Variants in RASGRF1 observed in about 807,000 individuals in gnomAD.
The protein encoded by RASGRF1 is ras-specific guanine nucleotide-releasing factor 1.
RASGRF1 carries 40 observed loss-of-function variants against 138.7 expected under a neutral mutation model. The observed-to-expected ratio is 0.29, with a 90% CI of 0.22 to 0.38. RASGRF1 has a LOEUF of 0.38. Ranked by LOEUF, RASGRF1 falls within the 10% of genes least tolerant of loss-of-function variation. The probability of loss-of-function intolerance (pLI) is 1.00; values close to 1 mark genes in which losing one functional copy is unlikely to be tolerated. For synonymous variants in RASGRF1, 614 were observed against 663.2 expected, an observed-to-expected ratio of 0.93 and a Z score of 1.14; for missense variants, 1,108 against 1,650.4, an observed-to-expected ratio of 0.67 and a Z score of 5.69.
At chr15:79,085,660 G>A (rs1040238120) in intron 1 of RASGRF1, among the ~76,000 whole-genome samples, 5 of 152,164 alleles carry the variant, frequency 3.3e-5, no homozygotes, top group Admixed American at 3.3e-4. Flanking sequence ...ATGAGCTCCT[G>A]AACAAGGCAA....
intron 9 of RASGRF1, among the ~76,000 whole-genome samples, chr15:79,025,850 T>C (rs2057039699): frequency 1.3e-5 from 2 of 151,174 alleles, no homozygotes; most frequent in African/African-American, 2.4e-5. Flanking sequence ...ACAAGATACA[T>C]TGCACTCCTG....
intron 1 of RASGRF1, among the ~76,000 whole-genome samples, chr15:79,081,557 G>A (rs2141102234): frequency 6.6e-6 from 1 of 152,280 alleles, no homozygotes; most frequent in East Asian, 1.9e-4. Context: ...GGCAGCTTTG[G>A]TGTCCCCTGC....
intron 20 of RASGRF1, among the ~76,000 whole-genome samples, chr15:78,992,072 G>A (rs142933776): frequency 6.2e-4 from 94 of 152,338 alleles, no homozygotes; most frequent in African/African-American, 2.0e-3. Context: ...CTCCCAGCAC[G>A]TGCATGAGAC....
intron 10 of RASGRF1, among the ~76,000 whole-genome samples, chr15:79,022,457 C>A (rs2056974315): frequency 2.2e-5 from 3 of 135,050 alleles, no homozygotes; most frequent in Admixed American, 7.4e-5. Context: ...AAACAAACAA[C>A]CCCCCCCCAA....
intron 13 of RASGRF1, chr15:79,012,624 T>A: frequency 6.6e-7 from 1 of 1,526,126 alleles, no homozygotes; most frequent in Non-Finnish European, 8.9e-7. Flanking sequence ...CCATCATTAT[T>A]CAAAATTTTG....
intron 1 of RASGRF1, among the ~76,000 whole-genome samples, chr15:79,078,621 C>T (rs936081343): frequency 1.3e-5 from 2 of 152,196 alleles, no homozygotes; most frequent in Admixed American, 6.5e-5. Context: ...ACTACTCATA[C>T]CCCCTACCTC....
intron 1 of RASGRF1, among the ~76,000 whole-genome samples, chr15:79,069,779 G>A (rs2057730447): frequency 6.6e-6 from 1 of 152,156 alleles, no homozygotes; most frequent in Non-Finnish European, 1.5e-5. Context: ...GGCTGAAAAG[G>A]CCTTGATCTT....
chr15:79,068,678 AGTGTGGATGT>A (rs1187575822), intron 1 of RASGRF1, among the ~76,000 whole-genome samples: 1 of 151,614 alleles, frequency 6.6e-6, no homozygotes, highest in African/African-American at 2.4e-5. Flanking sequence ...TGTGAATGAG[AGTGTGGATGT>A]GTGTGGATGT....
chr15:79,088,313 T>A (rs762833872), intron 1 of RASGRF1, among the ~76,000 whole-genome samples: 11 of 152,238 alleles, frequency 7.2e-5, no homozygotes, highest in Non-Finnish European at 1.2e-4. Context: ...CAGATTCAAC[T>A]GTGATTCGTC....
intron 10 of RASGRF1, among the ~76,000 whole-genome samples, chr15:79,023,972 GACAC>G (rs1308273568): frequency 6.8e-6 from 1 of 147,228 alleles, no homozygotes; most frequent in Non-Finnish European, 1.5e-5. Context: ...CACACACACA[GACAC>G]ACAAACACAT....
At chr15:79,089,794 G>C (rs993622293) in intron 1 of RASGRF1, among the ~76,000 whole-genome samples, 1 of 152,234 alleles carries the variant, frequency 6.6e-6, no homozygotes, top group Admixed American at 6.5e-5. Context: ...GCCTAAGCGC[G>C]GGGAATTACA....
intron 14 of RASGRF1, chr15:79,005,322 GA>G (rs1367711532): frequency 1.0e-6 from 1 of 985,588 alleles, no homozygotes. Context: ...GAGCCAGTGT[GA>G]TTCAGGAGCT....
At chr15:79,022,135 A>G (rs1363241183) in intron 10 of RASGRF1, among the ~76,000 whole-genome samples, 1 of 152,170 alleles carries the variant, frequency 6.6e-6, no homozygotes, top group African/African-American at 2.4e-5. Context: ...CCAATGTGCT[A>G]AGAGACTTTT....
At chr15:79,047,535 T>C (rs893947452) in intron 4 of RASGRF1, among the ~76,000 whole-genome samples, 9 of 152,214 alleles carry the variant, frequency 5.9e-5, no homozygotes, top group Non-Finnish European at 1.2e-4. Context: ...AGGGTGATTA[T>C]CAAATTGAAC....
At chr15:79,043,959 C>T (rs1186542078) in intron 5 of RASGRF1, among the ~76,000 whole-genome samples, 2 of 152,236 alleles carry the variant, frequency 1.3e-5, no homozygotes, top group Non-Finnish European at 2.9e-5. Flanking sequence ...CTGGGTCCAC[C>T]AGCCTTCAGT....
chr15:78,998,776 T>C lies in RASGRF1; in HGVS notation c.2796A>G (p.Arg932=). The C allele has an allele frequency of 6.2e-7, 1 of 1,614,144 alleles. No homozygotes were observed. Among genetic ancestry groups the C allele is most frequent in the South Asian group, 1.1e-5 (1 of 91,090 alleles). The change falls in exon 18 of 27, where the codon AGA becomes AGG. Residue 932 remains arginine (R), a synonymous_variant. Coordinates refer to ENST00000558480, the MANE Select transcript of RASGRF1 (RefSeq NM_001145648.3). ...CGTTCAAGACACGATTGGTGGCTGCTCTGCGGATCACAAACTCCTTGTCTC... is the reference window on the plus strand; with the variant it reads ...CGTTCAAGACACGATTGGTGGCTGCCCTGCGGATCACAAACTCCTTGTCTC... ...RNGDKEFVIR[R]AATNRVLNVL...
chr15:79,085,613 C>A (rs2057969355), intron 1 of RASGRF1, among the ~76,000 whole-genome samples: 3 of 152,088 alleles, frequency 2.0e-5, no homozygotes, highest in African/African-American at 7.2e-5. Flanking sequence ...TTTATGGTGA[C>A]AACAGAATAG....
At chr15:79,025,800 C>T (rs2057038491) in intron 9 of RASGRF1, among the ~76,000 whole-genome samples, 1 of 152,044 alleles carries the variant, frequency 6.6e-6, no homozygotes, top group Non-Finnish European at 1.5e-5. Context: ...TGGCAGGGAG[C>T]TGAACAAGTG....
intron 12 of RASGRF1, among the ~76,000 whole-genome samples, chr15:79,016,441 A>G (rs1297878336): frequency 1.3e-5 from 2 of 152,208 alleles, no homozygotes; most frequent in Non-Finnish European, 2.9e-5. Context: ...AGACTTGGCC[A>G]TGGGCTCAGA....
Sources: gnomAD v4.1 joint callset for allele counts (sites outside exome capture counted in the v4.1 genomes callset) on GRCh38, gnomAD v4.1.1 for gene constraint, MANE v1.5 for transcripts, NCBI Gene and HGNC (gene_info 2026-07-23, HGNC 2026-07-21) for gene names.